Variants in CHRM5 observed in about 807,000 individuals in gnomAD.
CHRM5 encodes the protein cholinergic receptor muscarinic 5.
Under a neutral mutation model 39.0 loss-of-function variants are expected in CHRM5, and 18 were observed. That is an observed-to-expected ratio of 0.46 (90% confidence interval 0.32 to 0.68). The LOEUF (loss-of-function observed/expected upper bound fraction) is 0.68. Ranked by LOEUF, CHRM5 falls within the 30% of genes least tolerant of loss-of-function variation. CHRM5 has a pLI of 0.04. For missense variants in CHRM5, 515 were observed against 651.1 expected, an observed-to-expected ratio of 0.79 and a Z score of 2.28; for synonymous variants, 241 against 246.3, an observed-to-expected ratio of 0.98 and a Z score of 0.20.
intron 1 of CHRM5, among the ~76,000 whole-genome samples, chr15:33,972,729 G>T (rs1461432639): frequency 6.6e-6 from 1 of 152,110 alleles, no homozygotes; most frequent in Non-Finnish European, 1.5e-5. Context: ...ATCTTTGTTT[G>T]CAACAGTAGC....
chr15:34,011,211 A>G (rs1273995716), intron 1 of CHRM5, among the ~76,000 whole-genome samples: 1 of 152,120 alleles, frequency 6.6e-6, no homozygotes, highest in East Asian at 1.9e-4. Context: ...TTTGTTTACT[A>G]GGCCTATACG....
chr15:33,971,635 C>T (rs1895641999), intron 1 of CHRM5, among the ~76,000 whole-genome samples: 1 of 151,936 alleles, frequency 6.6e-6, no homozygotes, highest in Admixed American at 6.6e-5. Context: ...CTTAAAGGGA[C>T]ATTGCATAAT....
chr15:33,993,950 G>A (rs1226368658), intron 1 of CHRM5, among the ~76,000 whole-genome samples: 1 of 152,130 alleles, frequency 6.6e-6, no homozygotes, highest in African/African-American at 2.4e-5. Flanking sequence ...ACTTATTTAA[G>A]TATTCATTCC....
intron 1 of CHRM5, among the ~76,000 whole-genome samples, chr15:33,997,041 A>G (rs1896965252): frequency 4.6e-5 from 7 of 152,252 alleles, no homozygotes; most frequent in Admixed American, 4.6e-4. Flanking sequence ...AAACCATGGC[A>G]CAAGAATGTA....
At chr15:34,017,884 T>A (rs1032921060) in intron 1 of CHRM5, among the ~76,000 whole-genome samples, 2 of 152,140 alleles carry the variant, frequency 1.3e-5, no homozygotes, top group Non-Finnish European at 2.9e-5. Flanking sequence ...ACAACAGTGG[T>A]CCCATAAGGT....
At chr15:34,030,550 G>C (rs1898736988) in intron 1 of CHRM5, among the ~76,000 whole-genome samples, 1 of 152,004 alleles carries the variant, frequency 6.6e-6, no homozygotes, top group African/African-American at 2.4e-5. Context: ...GTTTCATTGT[G>C]TTAGGCTGAC....
At chr15:34,045,712 A>T (rs185916601) in intron 1 of CHRM5, among the ~76,000 whole-genome samples, 1 of 138,080 alleles carries the variant, frequency 7.2e-6, no homozygotes, top group Non-Finnish European at 1.5e-5. Flanking sequence ...AAAAAAAAAA[A>T]GGTGTTTCAG....
At chr15:34,039,719 T>C in intron 1 of CHRM5, among the ~76,000 whole-genome samples, 1 of 152,190 alleles carries the variant, frequency 6.6e-6, no homozygotes, top group East Asian at 1.9e-4. Flanking sequence ...TCTGTAGAAA[T>C]GACTACTACA....
At chr15:34,038,640 C>T in intron 1 of CHRM5, 1 of 751,436 alleles carries the variant, frequency 1.3e-6, no homozygotes, top group South Asian at 6.2e-5. Flanking sequence ...CGCCACCATC[C>T]GCCCGTCCCG....
At chr15:34,013,209 G>A (rs916584259) in intron 1 of CHRM5, among the ~76,000 whole-genome samples, 11 of 151,918 alleles carry the variant, frequency 7.2e-5, no homozygotes, top group African/African-American at 2.7e-4. Flanking sequence ...TTACAGGCGC[G>A]CGCCACCACG....
chr15:33,992,548 A>G (rs2140575901), intron 1 of CHRM5, among the ~76,000 whole-genome samples: 1 of 152,318 alleles, frequency 6.6e-6, no homozygotes, highest in South Asian at 2.1e-4. Context: ...TTTTTAATTT[A>G]TAGTTCTGTT....
At chr15:34,014,522 C>A (rs963862230) in intron 1 of CHRM5, among the ~76,000 whole-genome samples, 6 of 152,044 alleles carry the variant, frequency 3.9e-5, no homozygotes, top group Non-Finnish European at 7.4e-5. Flanking sequence ...GCCACAAAAG[C>A]CTAGGTGACA....
At chr15:34,020,155 C>CA (rs1373278755) in intron 1 of CHRM5, among the ~76,000 whole-genome samples, 18 of 151,828 alleles carry the variant, frequency 1.2e-4, no homozygotes, top group Non-Finnish European at 2.4e-4. Flanking sequence ...ACTAAAAATA[C>CA]AAAAAATTAG....
chr15:34,051,070 C>T (rs186385177), intron 2 of CHRM5, among the ~76,000 whole-genome samples: 1 of 152,316 alleles, frequency 6.6e-6, no homozygotes, highest in African/African-American at 2.4e-5. Context: ...ACCCACAGAA[C>T]TTACTCTAAA....
At chr15:34,011,540 T>G (rs908333566) in intron 1 of CHRM5, among the ~76,000 whole-genome samples, 11 of 152,162 alleles carry the variant, frequency 7.2e-5, no homozygotes, top group African/African-American at 2.4e-4. Flanking sequence ...CACATGATAG[T>G]CAAATTCAAC....
chr15:33,983,112 C>A (rs1397190652), intron 1 of CHRM5, among the ~76,000 whole-genome samples: 2 of 148,132 alleles, frequency 1.4e-5, no homozygotes, highest in Non-Finnish European at 3.0e-5. Context: ...TAACCATATA[C>A]ATATATGTCC....
chr15:34,031,375 A>T (rs1436245192), intron 1 of CHRM5, among the ~76,000 whole-genome samples: 1 of 151,720 alleles, frequency 6.6e-6, no homozygotes, highest in Non-Finnish European at 1.5e-5. Context: ...GGGTTTCATC[A>T]TGTTGGTCAG....
At chr15:34,055,418 T>TGGTGTGAA in intron 2 of CHRM5, among the ~76,000 whole-genome samples, 1 of 151,674 alleles carries the variant, frequency 6.6e-6, no homozygotes, top group East Asian at 1.9e-4. Flanking sequence ...GGCAGGAGAA[T>TGGTGTGAA]CTCCTGGATC....
chr15:34,064,568 G>T lies in CHRM5; in HGVS notation c.*252G>T. On this transcript the variant is annotated 3_prime_UTR_variant, in exon 3 of 3. Coordinates refer to ENST00000383263, the MANE Select transcript of CHRM5 (RefSeq NM_012125.4). The stretch of plus-strand genomic sequence containing the variant: ...GGGGAGTTTGCCAATGAAGTAAAGG[G>T]ATAGGCTCATGGCCCTTCACAAGAG... 1.9e-6 allele frequency: 1 copy of T among 533,102 alleles called. No individual in the cohort carries two copies. The allele number at this position is 533,102 out of a possible 1,614,324, so 33.0% of individuals were successfully genotyped here.
Sources: gnomAD v4.1 joint callset for allele counts (sites outside exome capture counted in the v4.1 genomes callset) on GRCh38, gnomAD v4.1.1 for gene constraint, MANE v1.5 for transcripts, NCBI Gene and HGNC (gene_info 2026-07-23, HGNC 2026-07-21) for gene names.